Variants in INPP4B observed in about 807,000 individuals in gnomAD.
INPP4B encodes inositol polyphosphate 4-phosphatase type II.
Under a neutral mutation model 122.5 loss-of-function variants are expected in INPP4B, and 55 were observed. That is an observed-to-expected ratio of 0.45 (90% CI 0.36 to 0.56). INPP4B has a LOEUF of 0.56. Ranked by LOEUF, INPP4B falls within the 20% of genes least tolerant of loss-of-function variation. The pLI is 0.00. For synonymous variants in INPP4B, 403 were observed against 388.7 expected (o/e 1.04, Z -0.43); for missense variants, 1,000 against 1,097.7 (o/e 0.91, Z 1.26).
chr4:142,589,407 C>A (rs1193069542), intron 2 of INPP4B, among the ~76,000 whole-genome samples: 1 of 151,918 alleles, frequency 6.6e-6, no homozygotes, highest in Admixed American at 6.6e-5. Context: ...TGACTTATAT[C>A]CAAAATATAC....
intron 16 of INPP4B, 81 bp downstream of exon 16, chr4:142,173,551 A>G: frequency 8.6e-7 from 1 of 1,159,146 alleles, no homozygotes; most frequent in Non-Finnish European, 1.2e-6. Flanking sequence ...GATGCTATGA[A>G]TGGCGATGTA....
At chr4:142,724,121 G>C (rs1420753084) in intron 2 of INPP4B, among the ~76,000 whole-genome samples, 1 of 152,058 alleles carries the variant, frequency 6.6e-6, no homozygotes, top group Admixed American at 6.6e-5. Flanking sequence ...GTTACTCTGG[G>C]TATACTGATG....
chr4:142,312,546 G>T (rs1765915178), intron 8 of INPP4B, among the ~76,000 whole-genome samples: 1 of 152,194 alleles, frequency 6.6e-6, no homozygotes, highest in Non-Finnish European at 1.5e-5. Context: ...CTCATAGAAA[G>T]GATCAGCAGA....
intron 2 of INPP4B, among the ~76,000 whole-genome samples, chr4:142,616,000 C>T (rs1743608921): frequency 6.6e-6 from 1 of 152,012 alleles, no homozygotes; most frequent in African/African-American, 2.4e-5. Flanking sequence ...ATGTTTGAGG[C>T]TTAAATAATC....
chr4:142,572,270 T>G (rs1732998235), intron 2 of INPP4B, among the ~76,000 whole-genome samples: 1 of 152,148 alleles, frequency 6.6e-6, no homozygotes, highest in African/African-American at 2.4e-5. Context: ...TGAGAAGTGC[T>G]GAGCATTGGC....
intron 2 of INPP4B, among the ~76,000 whole-genome samples, chr4:142,575,568 C>T (rs189475930): frequency 6.6e-6 from 1 of 152,136 alleles, no homozygotes; most frequent in East Asian, 1.9e-4. Flanking sequence ...CACTTCTCAT[C>T]AACACGATGA....
chr4:142,097,495 G>C (rs1782481223), intron 23 of INPP4B, among the ~76,000 whole-genome samples: 1 of 151,868 alleles, frequency 6.6e-6, no homozygotes, highest in Admixed American at 6.6e-5. Flanking sequence ...GATCTCAGGT[G>C]ATCCACCCAC....
chr4:142,410,799 AATT>A (rs1406947612), intron 5 of INPP4B, among the ~76,000 whole-genome samples: 1 of 152,156 alleles, frequency 6.6e-6, no homozygotes, highest in Non-Finnish European at 1.5e-5. Flanking sequence ...AGTCCCTTTA[AATT>A]ATTATTGACA....
At chr4:142,266,535 C>G (rs999915788) in intron 10 of INPP4B, among the ~76,000 whole-genome samples, 3 of 152,008 alleles carry the variant, frequency 2.0e-5, no homozygotes, top group African/African-American at 7.2e-5. Context: ...CAGCAGTTTC[C>G]TGGGTAAGAA....
chr4:142,169,524 A>G (rs1160871857), intron 16 of INPP4B, among the ~76,000 whole-genome samples: 1 of 151,704 alleles, frequency 6.6e-6, no homozygotes, highest in African/African-American at 2.4e-5. Context: ...CATTGCTATT[A>G]TAGAAAACAA....
chr4:142,784,005 T>C (rs1308535281), intron 1 of INPP4B, among the ~76,000 whole-genome samples: 3 of 152,152 alleles, frequency 2.0e-5, no homozygotes, highest in Admixed American at 6.6e-5. Flanking sequence ...ACCTTCAGCA[T>C]GTAAAGAGCT....
chr4:142,264,024 G>A (rs547995954), intron 10 of INPP4B, among the ~76,000 whole-genome samples: 45 of 152,186 alleles, frequency 3.0e-4, no homozygotes, highest in African/African-American at 9.9e-4. Context: ...TTGGGACGGG[G>A]AGACTCCTGT....
chr4:142,088,607 C>T (rs1459783153), intron 23 of INPP4B, among the ~76,000 whole-genome samples: 1 of 152,064 alleles, frequency 6.6e-6, no homozygotes, highest in South Asian at 2.1e-4. Context: ...TTAACAGTGG[C>T]CATCTTTAGG....
At chr4:142,750,708 T>C (rs1228347131) in intron 1 of INPP4B, among the ~76,000 whole-genome samples, 1 of 152,066 alleles carries the variant, frequency 6.6e-6, no homozygotes, top group Non-Finnish European at 1.5e-5. Flanking sequence ...AGGGGTCCAA[T>C]TACAAGGGCC....
intron 12 of INPP4B, among the ~76,000 whole-genome samples, chr4:142,230,944 T>C (rs1854072031): frequency 6.6e-6 from 1 of 152,150 alleles, no homozygotes; most frequent in Admixed American, 6.5e-5. Context: ...TAAACCATAA[T>C]ATTAAAAAAG....
At chr4:142,366,551 T>C (rs1787551120) in intron 7 of INPP4B, among the ~76,000 whole-genome samples, 1 of 152,144 alleles carries the variant, frequency 6.6e-6, no homozygotes, top group Non-Finnish European at 1.5e-5. Flanking sequence ...TATTTTAGTT[T>C]ACGTAGGCAA....
intron 2 of INPP4B, among the ~76,000 whole-genome samples, chr4:142,660,621 C>A (rs573926740): frequency 6.6e-6 from 1 of 152,192 alleles, no homozygotes; most frequent in African/African-American, 2.4e-5. Context: ...GCCCAACATG[C>A]CACCAAAAGG....
At chr4:142,617,424 G>C (rs765921153) in intron 2 of INPP4B, among the ~76,000 whole-genome samples, 5 of 152,084 alleles carry the variant, frequency 3.3e-5, no homozygotes, top group Non-Finnish European at 5.9e-5. Flanking sequence ...AAATGCTCAA[G>C]GGCAGCAACC....
At position 142,028,353 on chromosome 4, in the gene INPP4B, T is replaced by C. The variant is rs1737687573; in HGVS notation, c.*429A>G. 4.3e-6 allele frequency: 1 copy of C among 231,914 alleles called. No homozygotes were observed. Among genetic ancestry groups the C allele is most frequent in the African/African-American group, 2.2e-5 (1 of 45,114 alleles). 14.4% of individuals were successfully genotyped at this position (231,914 alleles called of 1,614,324 possible). A position where few individuals can be genotyped will look rare whatever the true frequency, so the allele number is the denominator to read the frequency against. On this transcript the variant is annotated 3_prime_UTR_variant, in exon 26 of 26. Transcript: ENST00000262992. ...GATTCTCAGGTTGACTGTGTTCTCA[T>C]AGGCTATTAAGTTGTATCACAAAAA...
Sources: allele counts gnomAD v4.1 joint callset (sites outside exome capture counted in the v4.1 genomes callset), GRCh38; gene constraint gnomAD v4.1.1; transcripts MANE v1.5; gene names NCBI Gene and HGNC (gene_info 2026-07-23, HGNC 2026-07-21).